Variants in CPT1A observed in about 807,000 individuals in gnomAD.
CPT1A encodes carnitine O-palmitoyltransferase 1, liver isoform.
A neutral mutation model predicts 100.8 loss-of-function variants in CPT1A; 64 were observed. That is an observed-to-expected ratio of 0.63 (90% CI 0.52 to 0.78). The LOEUF (loss-of-function observed/expected upper bound fraction) is 0.78. Among genes scored for constraint, CPT1A ranks in the 30% least tolerant of loss-of-function variants. The pLI, the probability that CPT1A is intolerant of heterozygous loss-of-function variation, is 0.00. For missense variants in CPT1A, 802 were observed against 1,034.1 expected, an observed-to-expected ratio of 0.78 and a Z score of 3.08; for synonymous variants, 363 against 396.0, an observed-to-expected ratio of 0.92 and a Z score of 0.99.
Position 68,805,691 on chromosome 11 carries a change from C to T in CPT1A, c.454-1590G>A, listed in dbSNP as rs572602802. Among the ~76,000 whole-genome samples, 12 of 152,338 alleles carry T rather than the reference C, an allele frequency of 7.9e-5. No homozygotes were observed. In the East Asian group the frequency reaches 1.5e-3, roughly 20 times the overall value. ...GGCTTCGTATACACCGGCAGACCCA[C>T]GGATCAGCCCCATTCGAGAAAGATT... On this transcript the variant is annotated intron_variant, in intron 4 of 18. Coordinates refer to ENST00000265641, the MANE Select transcript of CPT1A (RefSeq NM_001876.4).
intron 9 of CPT1A, among the ~76,000 whole-genome samples, chr11:68,789,648 C>T (rs562122116): frequency 6.6e-6 from 1 of 152,200 alleles, no homozygotes; most frequent in Non-Finnish European, 1.5e-5. Flanking sequence ...GTGATCCACC[C>T]GCCTCGGCCT....
chr11:68,839,056 T>C (rs952268131), intron 1 of CPT1A, among the ~76,000 whole-genome samples: 1 of 152,188 alleles, frequency 6.6e-6, no homozygotes, highest in Non-Finnish European at 1.5e-5. Flanking sequence ...CGAACAGCCA[T>C]TTTAATTCTT....
intron 1 of CPT1A, among the ~76,000 whole-genome samples, chr11:68,826,262 A>G (rs931878319): frequency 2.0e-5 from 3 of 151,694 alleles, no homozygotes; most frequent in African/African-American, 7.3e-5. Context: ...CCTGGCCAAC[A>G]TGGTGAAACC....
intron 15 of CPT1A, 147 bp from the exon 16 acceptor site, chr11:68,761,834 C>G: frequency 1.1e-6 from 1 of 919,400 alleles, no homozygotes; most frequent in South Asian, 1.4e-5. Flanking sequence ...TGGTTTCGAA[C>G]TCCTGAGCTC....
intron 7 of CPT1A, 92 bp downstream of exon 7, chr11:68,796,764 G>T (rs1855763284): frequency 1.6e-6 from 2 of 1,260,214 alleles, no homozygotes; most frequent in Admixed American, 3.9e-5. Context: ...GTTTTCCCAG[G>T]CCGTCCACAG....
intron 12 of CPT1A, among the ~76,000 whole-genome samples, chr11:68,778,160 C>G (rs1026448966): frequency 1.3e-5 from 2 of 151,608 alleles, no homozygotes; most frequent in African/African-American, 4.9e-5. Context: ...GAGGTTTTGC[C>G]AAGACTCCAA....
At position 68,812,464 on chromosome 11, in the gene CPT1A, G is replaced by T; in HGVS notation, c.254C>A (p.Ala85Glu). Residue 85 changes from alanine (A) to glutamate (E), a missense_variant, in exon 3 of 19, where the codon GCA (alanine) becomes GAA (glutamate). Ala to Glu is a moderately radical substitution (Grantham distance 107, BLOSUM62 -1). Coordinates refer to ENST00000265641, the MANE Select transcript of CPT1A (RefSeq NM_001876.4). The part of the protein sequence containing the change: ...AKIDPSLGII[A>E]KINRTLETAN... Reference sequence around the variant, plus strand: ...CGTTTCCAGAGTCCGATTGATTTTTGCAATTATTCCTAACGAGGGGTCGAT... The same window carrying T: ...CGTTTCCAGAGTCCGATTGATTTTTTCAATTATTCCTAACGAGGGGTCGAT... 1 of 1,614,166 alleles carries T rather than the reference G, an allele frequency of 6.2e-7. No individual in the cohort carries two copies. Among genetic ancestry groups the T allele is most frequent in the Non-Finnish European group, 8.5e-7 (1 of 1,180,032 alleles).
chr11:68,841,830 C>A lies in CPT1A; in HGVS notation c.-69G>T. The stretch of plus-strand genomic sequence containing the variant: ...GCGGCAGCGGCGGCGGCGGCGGCGG[C>A]GGTGGAGTGAACGAGCGGCGAGCGG... On this transcript the variant is annotated 5_prime_UTR_variant, in exon 1 of 19. Transcript: ENST00000265641. This position sits in a 1 kb window ranked among gnomAD's most constrained non-coding sequence, Gnocchi z 6.3. 1 of 997,408 alleles carries A rather than the reference C, an allele frequency of 1.0e-6. No individual in the cohort carries two copies. The highest frequency in any genetic ancestry group is 1.2e-6 in the Non-Finnish European group (1 of 840,328). The allele number at this position is 997,408 out of a possible 1,614,324, so 61.8% of individuals were successfully genotyped here.
At chr11:68,786,369 A>C (rs1245360104) in intron 9 of CPT1A, among the ~76,000 whole-genome samples, 2 of 152,184 alleles carry the variant, frequency 1.3e-5, no homozygotes, top group African/African-American at 4.8e-5. Context: ...TCAAACAAAC[A>C]AACAAAAACA....
At chr11:68,809,663 G>A (rs891044045) in intron 3 of CPT1A, among the ~76,000 whole-genome samples, 1 of 152,164 alleles carries the variant, frequency 6.6e-6, no homozygotes, top group Non-Finnish European at 1.5e-5. Flanking sequence ...CAGAGATACT[G>A]CAGATCCCCT....
intron 1 of CPT1A, among the ~76,000 whole-genome samples, chr11:68,839,064 C>T (rs574048392): frequency 1.3e-5 from 2 of 152,280 alleles, no homozygotes; most frequent in East Asian, 3.9e-4. Context: ...CATTTTAATT[C>T]TTAAAGCACC....
At chr11:68,826,416 T>A (rs560637943) in intron 1 of CPT1A, among the ~76,000 whole-genome samples, 16 of 145,410 alleles carry the variant, frequency 1.1e-4, no homozygotes, top group African/African-American at 3.9e-4. Context: ...ACTGCACTCC[T>A]AGGTGAGAGA....
At chr11:68,824,455 A>T (rs1280299089) in intron 1 of CPT1A, among the ~76,000 whole-genome samples, 1 of 152,010 alleles carries the variant, frequency 6.6e-6, no homozygotes, top group Non-Finnish European at 1.5e-5. Flanking sequence ...AGGCACGTGT[A>T]CCCCCAAATC....
Position 68,755,694 on chromosome 11 carries a change from C to T in CPT1A, c.*1950G>A, listed in dbSNP as rs1474424809. On this transcript the variant is annotated 3_prime_UTR_variant, in exon 19 of 19. Transcript: ENST00000265641. ...AAAGTGCTGGGATTACACGCATGAG[C>T]CACCGCGCCTGGACGCTTTTTTTTT... 6.9e-6 allele frequency: 1 copy of T among 145,790 alleles called. No individual in the cohort carries two copies. The highest frequency in any genetic ancestry group is 6.8e-5 in the Admixed American group (1 of 14,610). The allele number at this position is 145,790 out of a possible 1,614,324, so 9.0% of individuals were successfully genotyped here.
In CPT1A at chr11:68,804,054, G is replaced by A; in HGVS notation, c.501C>T (p.Phe167=). The A allele has an allele frequency of 1.2e-6, 2 of 1,614,154 alleles. No homozygotes were observed. Among genetic ancestry groups the A allele is most frequent in the Non-Finnish European group, 1.7e-6 (2 of 1,179,990 alleles). The part of the protein sequence containing the change: ...FSGRKPMLYS[F]QTSLPRLPVP... Reference sequence around the variant, plus strand: ...CCGGCAGGCGAGGCAGCGATGTCTGGAAGCTGTACAACATGGGTTTTCGGC... The same window carrying A: ...CCGGCAGGCGAGGCAGCGATGTCTGAAAGCTGTACAACATGGGTTTTCGGC... The change falls in exon 5 of 19, where the codon TTC becomes TTT. Residue 167 remains phenylalanine, a synonymous_variant. Coordinates refer to ENST00000265641, the MANE Select transcript of CPT1A (RefSeq NM_001876.4).
rs1351472198 is a variant in CPT1A at position 68,755,034 on chromosome 11, G to A, written c.*2610C>T. The A allele has an allele frequency of 5.1e-6, 3 of 592,536 alleles. No homozygotes were observed. The highest frequency in any genetic ancestry group is 9.2e-6 in the Non-Finnish European group (3 of 327,762). 36.7% of individuals were successfully genotyped at this position (592,536 alleles called of 1,614,324 possible). A position where few individuals can be genotyped will look rare whatever the true frequency, so the allele number is the denominator to read the frequency against. On this transcript the variant is annotated 3_prime_UTR_variant, in exon 19 of 19. Coordinates refer to ENST00000265641, the MANE Select transcript of CPT1A (RefSeq NM_001876.4). ...CATGGCTGCGTTAAGACAATGGTTT[G>A]TTCCAATTAAATTAAACAGATAATA...
chr11:68,783,127 A>C (rs1242279737), intron 10 of CPT1A, among the ~76,000 whole-genome samples: 9 of 151,950 alleles, frequency 5.9e-5, no homozygotes, highest in Non-Finnish European at 1.2e-4. Context: ...GCTTGCCCGC[A>C]CACATCCTCC....
intron 2 of CPT1A, 144 bp from the exon 3 acceptor site, chr11:68,812,720 ACCCCACTAGCTGGGACTCT>A: frequency 1.1e-6 from 1 of 880,342 alleles, no homozygotes; most frequent in Non-Finnish European, 1.8e-6. Flanking sequence ...GAGAAACCAC[ACCCCACTAGCTGGGACTCT>A]CCCCAGAGTT....
chr11:68,841,615 C>T lies in CPT1A; in HGVS notation c.-14+160G>A, dbSNP rs1857160472. On this transcript the variant is annotated intron_variant, in intron 1 of 18. Transcript: ENST00000265641. The surrounding 1 kb of genome is among the most constrained non-coding windows in gnomAD (Gnocchi z 6.3). ...TGGGTTCAGGATCTCCACAACCCCGCCGTCCGGGGGGAATACCGGGGTTCC... is the reference window on the plus strand; with the variant it reads ...TGGGTTCAGGATCTCCACAACCCCGTCGTCCGGGGGGAATACCGGGGTTCC... Among the ~76,000 whole-genome samples the T allele has an allele frequency of 6.6e-6, 1 of 152,138 alleles. No individual in the cohort carries two copies. The highest frequency in any genetic ancestry group is 1.5e-5 in the Non-Finnish European group (1 of 68,002).
Sources: gnomAD v4.1 joint callset for allele counts (sites outside exome capture counted in the v4.1 genomes callset) on GRCh38, gnomAD v4.1.1 for gene constraint, Gnocchi (gnomAD v3.1) non-coding constraint, MANE v1.5 for transcripts, NCBI Gene and HGNC (gene_info 2026-07-23, HGNC 2026-07-21) for gene names.